The following PPP2R2B variants were observed in gnomAD, a reference collection of about 807,000 sequenced individuals.
PPP2R2B encodes the protein protein phosphatase 2 regulatory subunit Bbeta.
PPP2R2B carries 5 observed loss-of-function variants against 46.0 expected under a neutral mutation model. The observed-to-expected ratio is 0.11, with a 90% CI of 0.06 to 0.23. The LOEUF is 0.23. Ranked by LOEUF, PPP2R2B falls within the 10% of genes least tolerant of loss-of-function variation. The pLI is 1.00. For synonymous variants in PPP2R2B, 215 were observed against 206.7 expected (o/e 1.04, Z -0.34); for missense variants, 367 against 575.0 (o/e 0.64, Z 3.70).
chr5:146,878,996 T>C (rs114212149), upstream of PPP2R2B: 4,345 of 1,010,344 alleles, frequency 4.3e-3, 151 homozygotes, highest in African/African-American at 0.071. This position sits in a 1 kb window ranked among gnomAD's most constrained non-coding sequence, Gnocchi z 4.5. Context: ...GCCACTCAGC[T>C]AAGGGCCACG....
intron 2 of PPP2R2B, among the ~76,000 whole-genome samples, chr5:146,771,408 G>C (rs1385459610): frequency 6.6e-6 from 1 of 152,174 alleles, no homozygotes; most frequent in African/African-American, 2.4e-5. Context: ...GATCCATCTT[G>C]TGCTGTCAGT....
intron 2 of PPP2R2B, among the ~76,000 whole-genome samples, chr5:146,832,380 T>C (rs1244030949): frequency 4.9e-5 from 1 of 20,492 alleles, no homozygotes; most frequent in African/African-American, 1.6e-4. Flanking sequence ...ATTTTTAATC[T>C]TTTTTTTTTT....
At chr5:147,051,601 A>C (rs1480155) in intron 1 of PPP2R2B, among the ~76,000 whole-genome samples, 1 of 151,712 alleles carries the variant, frequency 6.6e-6, no homozygotes, top group Admixed American at 6.6e-5. Flanking sequence ...AAGTCACAGT[A>C]CCCTTGTCCC....
At chr5:146,929,296 G>T (rs1489295060) in intron 1 of PPP2R2B, among the ~76,000 whole-genome samples, 3 of 152,132 alleles carry the variant, frequency 2.0e-5, no homozygotes, top group Non-Finnish European at 4.4e-5. Context: ...AATGGGTGGG[G>T]ACTTTTGTTC....
intron 1 of PPP2R2B, among the ~76,000 whole-genome samples, chr5:146,928,277 T>C (rs972823726): frequency 2.0e-5 from 3 of 151,950 alleles, no homozygotes; most frequent in South Asian, 2.1e-4. Flanking sequence ...GGTTTATATA[T>C]ATATTTTTTT....
At chr5:146,697,527 T>G (rs1404823578) in intron 4 of PPP2R2B, among the ~76,000 whole-genome samples, 1 of 152,244 alleles carries the variant, frequency 6.6e-6, no homozygotes, top group Non-Finnish European at 1.5e-5. Context: ...GCTCCTATCA[T>G]AGAAGTTAAT....
intron 2 of PPP2R2B, among the ~76,000 whole-genome samples, chr5:146,708,938 T>C (rs563009729): frequency 6.6e-6 from 1 of 152,338 alleles, no homozygotes; most frequent in African/African-American, 2.4e-5. Flanking sequence ...CCTTCTTAAC[T>C]TGACACTGCT....
At chr5:146,996,706 A>C (rs935964727) in intron 1 of PPP2R2B, among the ~76,000 whole-genome samples, 1 of 152,156 alleles carries the variant, frequency 6.6e-6, no homozygotes, top group Admixed American at 6.5e-5. Context: ...ATAAGTCACT[A>C]TGGTACCTGG....
chr5:146,739,335 T>C (rs1275265528), intron 2 of PPP2R2B, among the ~76,000 whole-genome samples: 1 of 152,186 alleles, frequency 6.6e-6, no homozygotes, highest in African/African-American at 2.4e-5. Context: ...TGCATCTAAA[T>C]GGAATTTAGA....
intron 2 of PPP2R2B, among the ~76,000 whole-genome samples, chr5:146,757,183 G>A (rs1405625619): frequency 6.6e-6 from 1 of 152,148 alleles, no homozygotes; most frequent in Non-Finnish European, 1.5e-5. Flanking sequence ...AGTGGAGAGG[G>A]AGGGAGGTAG....
At chr5:146,955,821 C>T (rs925444136) in intron 1 of PPP2R2B, among the ~76,000 whole-genome samples, 13 of 147,636 alleles carry the variant, frequency 8.8e-5, no homozygotes, top group African/African-American at 3.0e-4. Flanking sequence ...CTCTGTCACC[C>T]AGGCAGGAGT....
intron 2 of PPP2R2B, among the ~76,000 whole-genome samples, chr5:146,801,352 G>C (rs1002648152): frequency 6.6e-6 from 1 of 152,116 alleles, no homozygotes; most frequent in East Asian, 1.9e-4. Context: ...CAGAAAAAGA[G>C]GCAACTATGT....
intron 5 of PPP2R2B, among the ~76,000 whole-genome samples, chr5:146,662,792 G>A (rs1471204585): frequency 6.6e-6 from 1 of 151,758 alleles, no homozygotes; most frequent in African/African-American, 2.4e-5. Flanking sequence ...AAAATGACAG[G>A]AAAAGGGTTA....
rs1770024459 is a variant in PPP2R2B, at chr5:146,584,165, C to G, written c.*5782G>C. 1 of 152,246 alleles carries G rather than the reference C, an allele frequency of 6.6e-6. No homozygotes were observed. Among genetic ancestry groups the G allele is most frequent in the Non-Finnish European group, 1.5e-5 (1 of 68,076 alleles). 9.4% of individuals were successfully genotyped at this position (152,246 alleles called of 1,614,324 possible). A position where few individuals can be genotyped will look rare whatever the true frequency, so the allele number is the denominator to read the frequency against. ...CTTGGCAGTGGCTAAGCCCCTTCTT[C>G]TGGCCTGACAGTGATCATTGCTTTG... is the stretch of plus-strand genomic sequence containing the variant. On this transcript the variant is annotated 3_prime_UTR_variant, in exon 10 of 10. Coordinates refer to ENST00000394411, the MANE Select transcript of PPP2R2B (RefSeq NM_181675.4).
intron 1 of PPP2R2B, among the ~76,000 whole-genome samples, chr5:146,920,607 C>T (rs1033557809): frequency 6.6e-6 from 1 of 152,118 alleles, no homozygotes; most frequent in Non-Finnish European, 1.5e-5. Flanking sequence ...ACTGCCAGTC[C>T]CTGCTAGGAA....
At chr5:146,827,425 G>A (rs896704535) in intron 2 of PPP2R2B, among the ~76,000 whole-genome samples, 1 of 132,510 alleles carries the variant, frequency 7.5e-6, no homozygotes, top group Non-Finnish European at 1.6e-5. Flanking sequence ...AGAGCACCCA[G>A]AACACATCGG....
chr5:147,058,503 A>G (rs1757159465), upstream of PPP2R2B, among the ~76,000 whole-genome samples: 1 of 152,202 alleles, frequency 6.6e-6, no homozygotes, highest in South Asian at 2.1e-4. Flanking sequence ...AAAACAGAAC[A>G]AACAAAATGT....
intron 1 of PPP2R2B, among the ~76,000 whole-genome samples, chr5:147,019,284 T>C (rs1755149306): frequency 6.6e-6 from 1 of 152,168 alleles, no homozygotes; most frequent in Admixed American, 6.5e-5. Flanking sequence ...TGTTTGAAGA[T>C]ACAACTGTGA....
chr5:146,675,439 G>A (rs1777648420), intron 5 of PPP2R2B, among the ~76,000 whole-genome samples: 2 of 152,144 alleles, frequency 1.3e-5, no homozygotes, highest in South Asian at 4.1e-4. Flanking sequence ...TGGGATAGCA[G>A]GTTAGTTGCA....
Sources: gnomAD v4.1 joint callset for allele counts (sites outside exome capture counted in the v4.1 genomes callset) on GRCh38, gnomAD v4.1.1 for gene constraint, Gnocchi (gnomAD v3.1) non-coding constraint, MANE v1.5 for transcripts, NCBI Gene and HGNC (gene_info 2026-07-23, HGNC 2026-07-21) for gene names.